Variants in SLC30A9 observed in about 807,000 individuals in gnomAD.
SLC30A9 encodes proton-coupled zinc antiporter SLC30A9, mitochondrial.
SLC30A9 carries 58 observed loss-of-function variants against 87.5 expected under a neutral mutation model. The observed-to-expected ratio is 0.66, with a 90% CI of 0.54 to 0.82. SLC30A9 has a LOEUF of 0.82. Ranked by LOEUF, SLC30A9 falls within the 40% of genes least tolerant of loss-of-function variation. The probability of loss-of-function intolerance (pLI) is 0.00; values close to 1 mark genes in which losing one functional copy is unlikely to be tolerated. For missense variants in SLC30A9, 557 were observed against 679.1 expected (o/e 0.82, Z 2.00); for synonymous variants, 234 against 233.0 (o/e 1.00, Z -0.04).
intron 2 of SLC30A9, among the ~76,000 whole-genome samples, chr4:42,002,653 T>C (rs1479457165): frequency 1.3e-5 from 2 of 152,102 alleles, no homozygotes; most frequent in Non-Finnish European, 2.9e-5. Context: ...ATATGTACCA[T>C]ATTTACTTTA....
In SLC30A9 at chr4:42,022,944, T is replaced by TCTTA; in HGVS notation, c.527+17_527+18insACTT. ...TGTGGAAGCAAAGTAAGAACATAGTTCTTTCAGAATAAAAGTGCAAACCAA... is the reference window on the plus strand; with the variant it reads ...TGTGGAAGCAAAGTAAGAACATAGTTCTTACTTTCAGAATAAAAGTGCAAACCAA... On this transcript the variant is annotated intron_variant, in intron 5 of 17. Coordinates refer to ENST00000264451, the MANE Select transcript of SLC30A9 (RefSeq NM_006345.4). The TCTTA allele has an allele frequency of 6.9e-7, 1 of 1,452,146 alleles. No individual in the cohort carries two copies. Among genetic ancestry groups the TCTTA allele is most frequent in the Non-Finnish European group, 9.4e-7 (1 of 1,063,746 alleles). The allele number at this position is 1,452,146 out of a possible 1,614,324, so 90.0% of individuals were successfully genotyped here.
chr4:42,034,465 C>CT (rs1479590352), intron 6 of SLC30A9, among the ~76,000 whole-genome samples: 2 of 148,762 alleles, frequency 1.3e-5, no homozygotes, highest in Non-Finnish European at 3.0e-5. Flanking sequence ...CACCATTCTG[C>CT]TTTTTGTTTC....
chr4:42,004,298 A>T (rs182729255), intron 2 of SLC30A9, among the ~76,000 whole-genome samples: 2 of 152,182 alleles, frequency 1.3e-5, no homozygotes, highest in Admixed American at 1.3e-4. Context: ...CTAGGTATGT[A>T]TTTCTTTGTA....
At chr4:42,060,044 C>G (rs986401938) in intron 9 of SLC30A9, 147 bp from the exon 10 acceptor site, 2 of 548,250 alleles carry the variant, frequency 3.6e-6, no homozygotes, top group African/African-American at 3.7e-5. Context: ...AAGGTAAGTA[C>G]TAGAAACCAG....
chr4:42,049,081 G>T (rs1018598525), intron 8 of SLC30A9, among the ~76,000 whole-genome samples: 1 of 152,080 alleles, frequency 6.6e-6, no homozygotes, highest in Non-Finnish European at 1.5e-5. Flanking sequence ...TCCCACCTCA[G>T]CCTCTCAGTA....
intron 4 of SLC30A9, among the ~76,000 whole-genome samples, chr4:42,021,058 C>G (rs1264837479): frequency 6.6e-6 from 1 of 152,078 alleles, no homozygotes; most frequent in East Asian, 1.9e-4. Flanking sequence ...CTCCTTTGTG[C>G]ACGAATTAGA....
At position 42,066,707 on chromosome 4, in the gene SLC30A9, G is replaced by A. The variant is rs1183311326; in HGVS notation, c.1144+86G>A. ...TACTGTTATTGCTTTGTTCCTAATA[G>A]AAATGTACAAAATATATCTGAATAT... On this transcript the variant is annotated intron_variant, in intron 13 of 17. Coordinates refer to ENST00000264451, the MANE Select transcript of SLC30A9 (RefSeq NM_006345.4). 4.8e-6 allele frequency: 4 copies of A among 830,756 alleles called. No individual in the cohort carries two copies. In the East Asian group the frequency reaches 1.0e-4, roughly 21 times the overall value. The allele number at this position is 830,756 out of a possible 1,614,324, so 51.5% of individuals were successfully genotyped here.
intron 8 of SLC30A9, among the ~76,000 whole-genome samples, chr4:42,045,855 G>A (rs1300911212): frequency 5.3e-5 from 8 of 152,164 alleles, no homozygotes; most frequent in African/African-American, 1.9e-4. Flanking sequence ...CCAGCAGCAT[G>A]TCAAAAAGCT....
intron 6 of SLC30A9, among the ~76,000 whole-genome samples, chr4:42,028,245 G>T (rs76468746): frequency 0.046 from 6,970 of 152,228 alleles, 285 homozygotes; most frequent in African/African-American, 0.11. Context: ...AGCCTCCCGA[G>T]TAGTTGGGAT....
Position 42,070,627 on chromosome 4 carries a change from C to A in SLC30A9, c.1354C>A (p.Arg452=). Residue 452 remains arginine, a synonymous_variant, in exon 15 of 18, where the codon CGG becomes AGG. Coordinates refer to ENST00000264451, the MANE Select transcript of SLC30A9 (RefSeq NM_006345.4). The stretch of plus-strand genomic sequence containing the variant: ...CACTAACACAGAAGCACTCTTAGGG[C>A]GGTCCATCCAGCCAGAACAAGTACA... ...IYTNTEALLG[R]SIQPEQVQRL... is the part of the protein sequence containing the mutation. The A allele has an allele frequency of 6.2e-7, 1 of 1,613,968 alleles. No homozygotes were observed. The highest frequency in any genetic ancestry group is 8.5e-7 in the Non-Finnish European group (1 of 1,179,924).
intron 11 of SLC30A9, among the ~76,000 whole-genome samples, chr4:42,064,414 TATATC>T (rs757865475): frequency 6.6e-6 from 1 of 151,960 alleles, no homozygotes; most frequent in African/African-American, 2.4e-5. Context: ...AATATCCTGT[TATATC>T]ATGCAAATCT....
At chr4:42,010,660 A>G (rs1245180606) in intron 2 of SLC30A9, among the ~76,000 whole-genome samples, 2 of 152,194 alleles carry the variant, frequency 1.3e-5, no homozygotes, top group East Asian at 3.8e-4. Context: ...ATTGCTTCAT[A>G]TAAGCTTTGA....
chr4:42,013,089 T>A (rs1283589056), intron 2 of SLC30A9, among the ~76,000 whole-genome samples: 1 of 152,112 alleles, frequency 6.6e-6, no homozygotes, highest in Non-Finnish European at 1.5e-5. Flanking sequence ...GAGACCAGTC[T>A]GGGCAACATA....
At chr4:42,073,946 A>G (rs1281367535) in intron 15 of SLC30A9, among the ~76,000 whole-genome samples, 1 of 152,204 alleles carries the variant, frequency 6.6e-6, no homozygotes, top group African/African-American at 2.4e-5. Flanking sequence ...AGTTAGTTAT[A>G]TGTAAGAACA....
At chr4:42,049,651 A>G (rs1468915554) in intron 9 of SLC30A9, among the ~76,000 whole-genome samples, 172 bp downstream of exon 9, 1 of 152,230 alleles carries the variant, frequency 6.6e-6, no homozygotes, top group Non-Finnish European at 1.5e-5. Context: ...AGTATTTTAA[A>G]GCAGATTGTT....
chr4:42,006,636 A>G (rs1350665130), intron 2 of SLC30A9, among the ~76,000 whole-genome samples: 3 of 151,490 alleles, frequency 2.0e-5, no homozygotes, highest in Non-Finnish European at 2.9e-5. Context: ...GCAGTGAGCC[A>G]TGATAGTGCC....
chr4:42,034,613 A>G (rs1716602522), intron 6 of SLC30A9, among the ~76,000 whole-genome samples: 1 of 152,138 alleles, frequency 6.6e-6, no homozygotes, highest in East Asian at 1.9e-4. Context: ...TTCCTTTTTC[A>G]AGGCTAAATA....
chr4:42,014,963 A>G (rs1715651178), intron 2 of SLC30A9, among the ~76,000 whole-genome samples: 2 of 152,124 alleles, frequency 1.3e-5, no homozygotes, highest in South Asian at 4.1e-4. Context: ...CTGCAGTTAG[A>G]TAGAATGAAT....
At chr4:42,004,792 C>T (rs139387398) in intron 2 of SLC30A9, among the ~76,000 whole-genome samples, 121 of 151,022 alleles carry the variant, frequency 8.0e-4, no homozygotes, top group South Asian at 1.5e-3. Context: ...GCTGAGAAAA[C>T]AGGTGTGTGC....
Sources: gnomAD v4.1 joint callset for allele counts (sites outside exome capture counted in the v4.1 genomes callset) on GRCh38, gnomAD v4.1.1 for gene constraint, MANE v1.5 for transcripts, NCBI Gene and HGNC (gene_info 2026-07-23, HGNC 2026-07-21) for gene names.